Variants in ADAMTS20 observed in about 807,000 individuals in gnomAD.
The protein encoded by ADAMTS20 is ADAM metallopeptidase with thrombospondin type 1 motif 20.
In ADAMTS20, 225 loss-of-function variants were observed where a neutral mutation model predicts 260.1. That is an observed-to-expected ratio of 0.87 (90% CI 0.78 to 0.97). The LOEUF (loss-of-function observed/expected upper bound fraction) is 0.97, where lower values mean the gene tolerates loss of function less well. Ranked by LOEUF, ADAMTS20 falls within the 50% of genes least tolerant of loss-of-function variation. The pLI, the probability that ADAMTS20 is intolerant of heterozygous loss-of-function variation, is 0.00. For synonymous variants in ADAMTS20, 802 were observed against 769.5 expected (o/e 1.04, Z -0.70); for missense variants, 2,400 against 2,337.7 (o/e 1.03, Z -0.55).
intron 4 of ADAMTS20, among the ~76,000 whole-genome samples, chr12:43,497,854 A>G (rs1442918288): frequency 6.6e-6 from 1 of 152,154 alleles, no homozygotes; most frequent in East Asian, 1.9e-4. Context: ...TAAATCTGCA[A>G]CAGGATGAAT....
At chr12:43,544,877 G>A (rs1407743711) in intron 2 of ADAMTS20, among the ~76,000 whole-genome samples, 1 of 152,184 alleles carries the variant, frequency 6.6e-6, no homozygotes, top group Non-Finnish European at 1.5e-5. Flanking sequence ...CTGCAAGGCT[G>A]CTCCACTTCA....
chr12:43,491,121 G>A (rs145989529), intron 6 of ADAMTS20, among the ~76,000 whole-genome samples: 11 of 152,066 alleles, frequency 7.2e-5, no homozygotes, highest in East Asian at 3.9e-4. Flanking sequence ...ATATGACATC[G>A]GTCCTATAAG....
rs1270644135 is a variant in ADAMTS20, at chr12:43,532,028, C to T, written c.613+8G>A. ...TTTAGCTGAAAAGAGTTCTATTTCA[C>T]AGTTTACCTGACACACTGCAATACT... is the stretch of plus-strand genomic sequence containing the variant. On this transcript the variant is annotated splice_region_variant and intron_variant, in intron 3 of 38. Coordinates refer to ENST00000389420, the MANE Select transcript of ADAMTS20 (RefSeq NM_025003.5). 2.7e-6 allele frequency: 4 copies of T among 1,496,980 alleles called. No homozygotes were observed. The South Asian group carries it at 5.9e-5, about 22-fold the overall frequency. 92.7% of individuals were successfully genotyped at this position (1,496,980 alleles called of 1,614,324 possible).
intron 11 of ADAMTS20, among the ~76,000 whole-genome samples, chr12:43,460,099 T>C (rs577747974): frequency 2.0e-5 from 3 of 152,354 alleles, no homozygotes; most frequent in African/African-American, 7.2e-5. Flanking sequence ...GTTTATTTAA[T>C]ACTGAATACA....
Position 43,443,892 on chromosome 12 carries a change from T to C in ADAMTS20, c.2198-9A>G. On this transcript the variant is annotated splice_polypyrimidine_tract_variant and intron_variant, in intron 15 of 38. Transcript: ENST00000389420. ...TACAACAACATTATAACCTGCAATA[T>C]AATTTTACATATGTTAAATTTCACA... 6.2e-7 allele frequency: 1 copy of C among 1,608,420 alleles called. No individual in the cohort carries two copies. Among genetic ancestry groups the C allele is most frequent in the Middle Eastern group, 1.7e-4 (1 of 6,044 alleles).
intron 3 of ADAMTS20, among the ~76,000 whole-genome samples, chr12:43,528,686 C>A (rs780772611): frequency 6.6e-6 from 1 of 152,046 alleles, no homozygotes; most frequent in Non-Finnish European, 1.5e-5. Context: ...AAATCTAAGA[C>A]CTGAAACCAT....
intron 11 of ADAMTS20, among the ~76,000 whole-genome samples, chr12:43,455,360 C>G (rs576626488): frequency 5.3e-5 from 8 of 152,266 alleles, no homozygotes; most frequent in African/African-American, 1.9e-4. Flanking sequence ...AATCTAAGGT[C>G]AAGGTACCGG....
At chr12:43,362,509 C>T (rs918754701) in intron 37 of ADAMTS20, among the ~76,000 whole-genome samples, 6 of 152,100 alleles carry the variant, frequency 3.9e-5, no homozygotes, top group Admixed American at 1.3e-4. Flanking sequence ...AAGTTGCCTG[C>T]CTTTAAAAAT....
intron 29 of ADAMTS20, among the ~76,000 whole-genome samples, chr12:43,394,224 A>G (rs572778023): frequency 2.6e-5 from 4 of 152,236 alleles, no homozygotes; most frequent in African/African-American, 7.2e-5. Flanking sequence ...TGTAGTTTAA[A>G]TCACTAATAA....
At position 43,551,942 on chromosome 12, in the gene ADAMTS20, G is replaced by T; in HGVS notation, c.-21C>A. 6.2e-7 allele frequency: 1 copy of T among 1,608,898 alleles called. No homozygotes were observed. Among genetic ancestry groups the T allele is most frequent in the East Asian group, 2.2e-5 (1 of 44,832 alleles). ...CACATGGTTCCACCCTGGGGACCCC[G>T]ATCGGGGAGGCCCACCAGAGCCGCC... is the stretch of plus-strand genomic sequence containing the variant. On this transcript the variant is annotated 5_prime_UTR_variant, in exon 1 of 39. Transcript: ENST00000389420. The surrounding 1 kb of genome is among the most constrained non-coding windows in gnomAD (Gnocchi z 4.6).
chr12:43,452,124 C>T, intron 14 of ADAMTS20, 150 bp downstream of exon 14: 2 of 770,352 alleles, frequency 2.6e-6, no homozygotes, highest in South Asian at 4.4e-5. Flanking sequence ...AACCATACTT[C>T]TATAGATAGC....
At chr12:43,354,386 T>C in intron 38 of ADAMTS20, 88 bp from the exon 39 acceptor site, 1 of 930,546 alleles carries the variant, frequency 1.1e-6, no homozygotes, top group Non-Finnish European at 1.7e-6. Context: ...CTTTGAATCA[T>C]ATGGCTAAAA....
intron 7 of ADAMTS20, among the ~76,000 whole-genome samples, chr12:43,479,076 G>A (rs1942402504): frequency 6.6e-6 from 1 of 152,080 alleles, no homozygotes; most frequent in Non-Finnish European, 1.5e-5. Context: ...TTGTTGATGT[G>A]GAAAGAACCC....
At chr12:43,395,482 C>CT (rs997752411) in intron 29 of ADAMTS20, among the ~76,000 whole-genome samples, 16 of 151,548 alleles carry the variant, frequency 1.1e-4, no homozygotes, top group Admixed American at 2.0e-4. Flanking sequence ...TCTTTCTTTT[C>CT]TTTTTTTTCC....
intron 27 of ADAMTS20, 129 bp downstream of exon 27, chr12:43,427,179 C>G: frequency 1.8e-6 from 2 of 1,130,416 alleles, no homozygotes; most frequent in Non-Finnish European, 2.4e-6. Flanking sequence ...TCTCCAAAAA[C>G]AAAAAAAACA....
intron 6 of ADAMTS20, among the ~76,000 whole-genome samples, chr12:43,491,719 C>T (rs1942602836): frequency 6.6e-6 from 1 of 152,032 alleles, no homozygotes; most frequent in Non-Finnish European, 1.5e-5. Flanking sequence ...TTAAGGCAGG[C>T]ATTAAGCATC....
Position 43,551,438 on chromosome 12 carries a change from G to A in ADAMTS20, c.92-168C>T, listed in dbSNP as rs1199776889. 2.0e-5 allele frequency among the ~76,000 whole-genome samples: 3 copies of A among 152,064 alleles called. No homozygotes were observed. The highest frequency in any genetic ancestry group is 7.2e-5 in the African/African-American group (3 of 41,416). On this transcript the variant is annotated intron_variant, in intron 1 of 38. Coordinates refer to ENST00000389420, the MANE Select transcript of ADAMTS20 (RefSeq NM_025003.5). The surrounding 1 kb of genome is among the most constrained non-coding windows in gnomAD (Gnocchi z 4.6). ...ACGCACACACACACACGTGCACTGG[G>A]ACGGTTAGTGCTCTGCTTTCCCACA...
At chr12:43,391,139 T>C (rs1038267111) in intron 29 of ADAMTS20, among the ~76,000 whole-genome samples, 20 of 152,288 alleles carry the variant, frequency 1.3e-4, no homozygotes, top group African/African-American at 4.8e-4. Context: ...TGTAGAAGGG[T>C]GCCTTCTCAC....
chr12:43,432,731 T>A lies in ADAMTS20; in HGVS notation c.2801A>T (p.Tyr934Phe). The A allele has an allele frequency of 6.2e-7, 1 of 1,613,742 alleles. No individual in the cohort carries two copies. Among genetic ancestry groups the A allele is most frequent in the Non-Finnish European group, 8.5e-7 (1 of 1,179,640 alleles). Residue 934 changes from tyrosine (Y) to phenylalanine (F), a missense_variant, in exon 20 of 39, where the codon TAT (tyrosine) becomes TTT (phenylalanine). By Grantham distance (22) the Tyr-to-Phe change is conservative. Coordinates refer to ENST00000389420, the MANE Select transcript of ADAMTS20 (RefSeq NM_025003.5). ...YRTLDIHCMK[Y>F]SIHEGQTVQV... is the part of the protein sequence containing the mutation. ...AACAGTCTGTCCTTCATGAATGGAA[T>A]ACTTCATGCAATGGATGTCCAAGGT...
Sources: allele counts gnomAD v4.1 joint callset (sites outside exome capture counted in the v4.1 genomes callset), GRCh38; gene constraint gnomAD v4.1.1; non-coding constraint Gnocchi (gnomAD v3.1); transcripts MANE v1.5; gene names NCBI Gene and HGNC (gene_info 2026-07-23, HGNC 2026-07-21).